RIMBP2: variants seen among roughly 807,000 people sequenced by gnomAD.
RIMBP2 encodes the protein RIMS binding protein 2.
A neutral mutation model predicts 118.6 loss-of-function variants in RIMBP2; 48 were observed. That is an observed-to-expected ratio of 0.40 (90% CI 0.32 to 0.51). The LOEUF is 0.51. Ranked by LOEUF, RIMBP2 falls within the 20% of genes least tolerant of loss-of-function variation. The pLI is 0.41. For synonymous variants in RIMBP2, 762 were observed against 742.9 expected, an observed-to-expected ratio of 1.03 and a Z score of -0.42; for missense variants, 1,551 against 1,768.3, an observed-to-expected ratio of 0.88 and a Z score of 2.20.
rs563585619 is a variant in RIMBP2 at position 130,481,365 on chromosome 12, C to T, written c.-3-2349G>A. ...AGCCTCCACTTTTCATTCTGCAAAG[C>T]GCTGTGGTTGGTGGGATATTTTGTT... is the stretch of plus-strand genomic sequence containing the variant. On this transcript the variant is annotated intron_variant, in intron 4 of 22. Transcript: ENST00000690449. Among the ~76,000 whole-genome samples the T allele has an allele frequency of 3.8e-4, 58 of 152,288 alleles. No homozygotes were observed. In the South Asian group the frequency reaches 0.011, roughly 29 times the overall value.
At chr12:130,667,349 A>C (rs1001789752) in intron 1 of RIMBP2, 23 of 152,168 alleles carry the variant, frequency 1.5e-4, no homozygotes, top group African/African-American at 5.6e-4. Context: ...TGGCTCACTT[A>C]AACTGGATAA....
intron 6 of RIMBP2, among the ~76,000 whole-genome samples, chr12:130,458,935 T>C (rs2079705306): frequency 6.6e-6 from 1 of 150,980 alleles, no homozygotes; most frequent in Non-Finnish European, 1.5e-5. Context: ...TCCCAGCTAT[T>C]TGGGAGGCTG....
intron 1 of RIMBP2, among the ~76,000 whole-genome samples, chr12:130,678,799 G>A (rs986981224): frequency 4.6e-5 from 7 of 152,166 alleles, no homozygotes; most frequent in African/African-American, 9.7e-5. Context: ...GATTACAGGC[G>A]TAAGTCACCA....
chr12:130,620,058 C>A lies in RIMBP2; in HGVS notation c.-217+8264G>T, dbSNP rs1030109926. On this transcript the variant is annotated intron_variant, in intron 2 of 22. Coordinates refer to ENST00000690449, the MANE Select transcript of RIMBP2 (RefSeq NM_001393629.1). This position sits in a 1 kb window ranked among gnomAD's most constrained non-coding sequence, Gnocchi z 5.3. ...TGATGTCGAGAAAGAGGCTCCTGGA[C>A]CCCTGCGGCAACCGGTTGAAAAGGG... is the stretch of plus-strand genomic sequence containing the variant. 6.6e-6 allele frequency among the ~76,000 whole-genome samples: 1 copy of A among 152,074 alleles called. No homozygotes were observed. Among genetic ancestry groups the A allele is most frequent in the African/African-American group, 2.4e-5 (1 of 41,406 alleles).
intron 4 of RIMBP2, among the ~76,000 whole-genome samples, chr12:130,499,945 AT>A (rs1285928794): frequency 6.6e-6 from 1 of 152,102 alleles, no homozygotes; most frequent in Non-Finnish European, 1.5e-5. Flanking sequence ...AGATTTCTTT[AT>A]TTTTAACTTT....
At chr12:130,462,541 A>G (rs932616416) in intron 6 of RIMBP2, among the ~76,000 whole-genome samples, 1 of 152,176 alleles carries the variant, frequency 6.6e-6, no homozygotes, top group Non-Finnish European at 1.5e-5. Flanking sequence ...ACATCTTAGC[A>G]CTGCCTCACC....
chr12:130,473,091 G>A (rs574685940), intron 5 of RIMBP2, among the ~76,000 whole-genome samples: 1 of 152,312 alleles, frequency 6.6e-6, no homozygotes, highest in Non-Finnish European at 1.5e-5. Context: ...AAATATTCCA[G>A]CAGGCTGTTA....
At position 130,684,853 on chromosome 12, in the gene RIMBP2, C is replaced by T. The variant is rs752504324; in HGVS notation, c.-352+31369G>A. On this transcript the variant is annotated intron_variant, in intron 1 of 22. Coordinates refer to ENST00000690449, the MANE Select transcript of RIMBP2 (RefSeq NM_001393629.1). ...TCTTACTTTCGGGACTGCCCTGCTC[C>T]GTCTATGGAGTAGCTCTTCTTTCAC... Among the ~76,000 whole-genome samples, 10 of 152,116 alleles carry T rather than the reference C, an allele frequency of 6.6e-5. 1 individual carries two copies. The highest frequency in any genetic ancestry group is 1.3e-4 in the Non-Finnish European group (9 of 68,026).
In RIMBP2 at chr12:130,683,503, T is replaced by A. The variant is rs1361372551; in HGVS notation, c.-352+32719A>T. Among the ~76,000 whole-genome samples the A allele has an allele frequency of 3.3e-5, 5 of 152,162 alleles. No homozygotes were observed. Among genetic ancestry groups the A allele is most frequent in the Admixed American group, 6.5e-5 (1 of 15,280 alleles). On this transcript the variant is annotated intron_variant, in intron 1 of 22. Transcript: ENST00000690449. This position sits in a 1 kb window ranked among gnomAD's most constrained non-coding sequence, Gnocchi z 4.4. Reference sequence around the variant, plus strand: ...CATGTGAACCAGAGCAACTCCATCTTGAATAGGGGCTGGGTAAGATGAGGC... The same window carrying A: ...CATGTGAACCAGAGCAACTCCATCTAGAATAGGGGCTGGGTAAGATGAGGC...
intron 6 of RIMBP2, among the ~76,000 whole-genome samples, chr12:130,467,536 CT>C (rs1260658331): frequency 1.3e-5 from 2 of 152,226 alleles, no homozygotes; most frequent in African/African-American, 4.8e-5. Flanking sequence ...AAACTCCAGT[CT>C]CCAAATTCTC....
chr12:130,539,317 G>A (rs2054357454), intron 2 of RIMBP2, among the ~76,000 whole-genome samples: 1 of 152,174 alleles, frequency 6.6e-6, no homozygotes, highest in Admixed American at 6.5e-5. Context: ...AAAGAACAGT[G>A]TCAGTGAATG....
At chr12:130,697,005 T>C (rs1025303608) in intron 1 of RIMBP2, among the ~76,000 whole-genome samples, 3 of 152,186 alleles carry the variant, frequency 2.0e-5, no homozygotes, top group Non-Finnish European at 4.4e-5. Flanking sequence ...GGGAAGTGCC[T>C]CGCCTGCCAG....
chr12:130,470,711 GC>G lies in RIMBP2; in HGVS notation c.134del (p.Gly45AlafsTer6). 7 of 1,231,922 alleles carry G rather than the reference GC, an allele frequency of 5.7e-6. No homozygotes were observed. Among genetic ancestry groups the G allele is most frequent in the Non-Finnish European group, 7.1e-6 (7 of 987,892 alleles). 76.3% of individuals were successfully genotyped at this position (1,231,922 alleles called of 1,614,324 possible). On this transcript the variant is annotated frameshift_variant, in exon 6 of 23. Transcript: ENST00000690449. LOFTEE classifies it high-confidence loss of function. ...AQVEAKKEHEGAVRLLESKVR... is the reference protein window; with the variant it reads ...AQVEAKKEHEXAVRLLESKVR... ...TCCTTACCTCTAGCAGCCGCACTGC[GC>G]CTTCATGCTCCTTCTTAGCCTCAAC...
rs1274222541 is a variant in RIMBP2 at position 130,397,488 on chromosome 12, G to A, written c.3962C>T (p.Ser1321Leu). ...ACCCATAGATGACGTAGGTGACCCC[G>A]AATGGAGATGGACTGTGGGGGATGG... ...RAPSPTVHLHSGSPTSSMGSG... is the reference protein window; with the variant it reads ...RAPSPTVHLHLGSPTSSMGSG... Residue 1321 changes from serine to leucine, a missense_variant, in exon 23 of 23, where the codon TCG becomes TTG. Coordinates refer to ENST00000690449, the MANE Select transcript of RIMBP2 (RefSeq NM_001393629.1). The A allele has an allele frequency of 1.3e-5, 5 of 398,876 alleles. No individual in the cohort carries two copies. Among genetic ancestry groups the A allele is most frequent in the African/African-American group, 8.2e-5 (4 of 48,576 alleles). The allele number at this position is 398,876 out of a possible 1,614,324, so 24.7% of individuals were successfully genotyped here. A position where few individuals can be genotyped will look rare whatever the true frequency, so the allele number is the denominator to read the frequency against.
chr12:130,582,761 C>G (rs1193499170), intron 2 of RIMBP2, among the ~76,000 whole-genome samples: 1 of 152,162 alleles, frequency 6.6e-6, no homozygotes. Context: ...GTCTTTCAAG[C>G]CTTCTATGTG....
chr12:130,436,151 T>C (rs11611873), intron 13 of RIMBP2, among the ~76,000 whole-genome samples: 14,807 of 152,222 alleles, frequency 0.097, 926 homozygotes, highest in East Asian at 0.25. Flanking sequence ...TCTCTTCCCC[T>C]AGCCCTGCAC....
In RIMBP2 at chr12:130,500,245, G is replaced by A. The variant is rs1342626378; in HGVS notation, c.-4+6403C>T. ...GAGGCTAAGACAGGCAGATCACAAG[G>A]TCAGGAGTTCGAGACCAGCCTGACC... On this transcript the variant is annotated intron_variant, in intron 4 of 22. Coordinates refer to ENST00000690449, the MANE Select transcript of RIMBP2 (RefSeq NM_001393629.1). Among the ~76,000 whole-genome samples, 7 of 152,184 alleles carry A rather than the reference G, an allele frequency of 4.6e-5. No homozygotes were observed. In the East Asian group the frequency reaches 9.7e-4, roughly 21 times the overall value.
chr12:130,442,712 G>A lies in RIMBP2; in HGVS notation c.692-52C>T, dbSNP rs773265552. ...ACCCAGCCAACACAGCAGGGGCCTC[G>A]AGGCCCCCAGTGTACTCCCACCTCC... On this transcript the variant is annotated intron_variant, in intron 10 of 22. Coordinates refer to ENST00000690449, the MANE Select transcript of RIMBP2 (RefSeq NM_001393629.1). This position sits in a 1 kb window ranked among gnomAD's most constrained non-coding sequence, Gnocchi z 6.9. 1.1e-5 allele frequency: 17 copies of A among 1,489,670 alleles called. No homozygotes were observed. The highest frequency in any genetic ancestry group is 3.7e-4 in the Middle Eastern group (2 of 5,474). The allele number at this position is 1,489,670 out of a possible 1,614,324, so 92.3% of individuals were successfully genotyped here.
chr12:130,537,065 T>C (rs11060980), intron 2 of RIMBP2, among the ~76,000 whole-genome samples: 19,447 of 152,114 alleles, frequency 0.13, 1,318 homozygotes, highest in East Asian at 0.2. Flanking sequence ...CTCACAAATC[T>C]TAGTAAGAAA....
Sources: gnomAD v4.1 joint callset for allele counts (sites outside exome capture counted in the v4.1 genomes callset) on GRCh38, gnomAD v4.1.1 for gene constraint, Gnocchi (gnomAD v3.1) non-coding constraint, MANE v1.5 for transcripts, NCBI Gene and HGNC (gene_info 2026-07-23, HGNC 2026-07-21) for gene names.